ANAPC5: variants seen among roughly 807,000 people sequenced by gnomAD.
The protein encoded by ANAPC5 is anaphase promoting complex subunit 5.
In ANAPC5, 60 loss-of-function variants were observed where a neutral mutation model predicts 91.3. The observed-to-expected ratio is 0.66, with a 90% CI of 0.53 to 0.81. ANAPC5 has a LOEUF of 0.81. Among genes scored for constraint, ANAPC5 ranks in the 40% least tolerant of loss-of-function variants. The pLI is 0.00. For synonymous variants in ANAPC5, 340 were observed against 364.1 expected (o/e 0.93, Z 0.75); for missense variants, 690 against 931.5 (o/e 0.74, Z 3.37).
chr12:121,339,305 C>A (rs782270838), intron 5 of ANAPC5, among the ~76,000 whole-genome samples: 16 of 152,102 alleles, frequency 1.1e-4, no homozygotes, highest in Admixed American at 4.6e-4. Flanking sequence ...CCTGCCTCTG[C>A]CTCCCAAAGT....
At position 121,318,564 on chromosome 12, in the gene ANAPC5, T is replaced by A; in HGVS notation, c.1682A>T (p.His561Leu). 1.9e-6 allele frequency: 3 copies of A among 1,614,216 alleles called. No homozygotes were observed. The highest frequency in any genetic ancestry group is 2.2e-5 in the South Asian group (2 of 91,080). Residue 561 changes from histidine to leucine, a missense_variant, in exon 14 of 17, where the codon CAT becomes CTT. His to Leu is a moderately conservative substitution (Grantham distance 99). Around this residue, in one of 5 missense-constraint regions of ANAPC5, gnomAD observed 317 missense variants for 438.7 expected, o/e 0.72. Transcript: ENST00000261819. ...LQAQNQMSEA[H>L]KLLQKLLVHC... The stretch of plus-strand genomic sequence containing the variant: ...AACCAACAATTTTTGTAAAAGCTTA[T>A]GTGCCTCTGACATTTGGTTCTGAGC...
chr12:121,344,641 A>C (rs1304571677), intron 4 of ANAPC5, among the ~76,000 whole-genome samples: 3 of 152,056 alleles, frequency 2.0e-5, no homozygotes, highest in African/African-American at 7.2e-5. Context: ...CCTCGTGGTC[A>C]GGGAGGCCCG....
intron 5 of ANAPC5, among the ~76,000 whole-genome samples, chr12:121,341,547 AATAT>A (rs1309809925): frequency 6.6e-6 from 1 of 152,168 alleles, no homozygotes; most frequent in Non-Finnish European, 1.5e-5. Context: ...TGCAACTGGA[AATAT>A]ATATCAAAAA....
rs1217747967 is a variant in ANAPC5 at position 121,341,998 on chromosome 12, C to T, written c.657+5G>A. On this transcript the variant is annotated splice_donor_5th_base_variant and intron_variant, in intron 5 of 16. Coordinates refer to ENST00000261819, the MANE Select transcript of ANAPC5 (RefSeq NM_016237.5). The stretch of plus-strand genomic sequence containing the variant: ...AGTTCATGATAAATTACAGAATTCA[C>T]ATACCTGTTGAGAAAGAAAAAATTC... 7.5e-6 allele frequency: 12 copies of T among 1,603,454 alleles called. No individual in the cohort carries two copies. In the Admixed American group the frequency reaches 1.3e-4, roughly 18 times the overall value.
intron 11 of ANAPC5, chr12:121,321,249 C>CA (rs1277984952): frequency 2.3e-4 from 30 of 131,004 alleles, no homozygotes; most frequent in Admixed American, 6.3e-4. Context: ...AATTCCGTCT[C>CA]AAAAAAAAAA....
intron 11 of ANAPC5, 88 bp from the exon 12 acceptor site, chr12:121,320,547 G>A: frequency 1.8e-6 from 2 of 1,095,424 alleles, no homozygotes; most frequent in South Asian, 1.6e-5. Context: ...AGATTCACCT[G>A]TTCCCGTTCT....
Position 121,352,356 on chromosome 12 carries a change from AGTCTCGGGCCC to A in ANAPC5, c.-27_-17del. The A allele has an allele frequency of 1.3e-6, 2 of 1,581,336 alleles. No individual in the cohort carries two copies. The highest frequency in any genetic ancestry group is 1.8e-5 in the Admixed American group (1 of 54,990). On this transcript the variant is annotated 5_prime_UTR_variant, in exon 1 of 17. Transcript: ENST00000261819. ...CGCTGGCCATGGCGGCCCGAGACTA[AGTCTCGGGCCC>A]GCGGCGCGCTGCCGCCAGTTGTCAC... is the stretch of plus-strand genomic sequence containing the variant.
chr12:121,339,903 T>TGTC (rs1903380966), intron 5 of ANAPC5, among the ~76,000 whole-genome samples: 2 of 135,486 alleles, frequency 1.5e-5, no homozygotes, highest in Non-Finnish European at 3.1e-5. Flanking sequence ...CCAGATGGAG[T>TGTC]GTCGTTCTTG....
chr12:121,325,088 CA>C (rs1902759092), intron 11 of ANAPC5, among the ~76,000 whole-genome samples: 1 of 152,156 alleles, frequency 6.6e-6, no homozygotes, highest in African/African-American at 2.4e-5. Flanking sequence ...CACTTGAGCC[CA>C]GAAGGTTGAG....
chr12:121,330,552 G>A (rs782092193), intron 9 of ANAPC5, 31 bp downstream of exon 9: 1 of 1,586,068 alleles, frequency 6.3e-7, no homozygotes, highest in South Asian at 1.1e-5. Context: ...GACCATTTAT[G>A]GAAACAATCT....
intron 15 of ANAPC5, among the ~76,000 whole-genome samples, chr12:121,316,412 C>T (rs1343129181): frequency 6.6e-6 from 1 of 152,142 alleles, no homozygotes; most frequent in Non-Finnish European, 1.5e-5. Context: ...CATGACTCAG[C>T]AATTCCGTTC....
chr12:121,342,045 C>A lies in ANAPC5; in HGVS notation c.615G>T (p.Gly205=), dbSNP rs1903479525. Residue 205 remains glycine, a synonymous_variant, in exon 5 of 17, where the codon GGG becomes GGT. Coordinates refer to ENST00000261819, the MANE Select transcript of ANAPC5 (RefSeq NM_016237.5). The surrounding 1 kb of genome is among the most constrained non-coding windows in gnomAD (Gnocchi z 4.1). ...SVREEEVSCS[G]PLSQKQAEFF... ...ATTCTGCTTGTTTTTGGGACAGAGG[C>A]CCACTGCAAGATACCTCCTCTTCTC... 4 of 1,609,190 alleles carry A rather than the reference C, an allele frequency of 2.5e-6. No individual in the cohort carries two copies. The East Asian group carries it at 6.7e-5, about 27-fold the overall frequency.
chr12:121,324,477 G>GGGAGATGAAGATGGAATTATTA (rs1335764523), intron 11 of ANAPC5, among the ~76,000 whole-genome samples: 6 of 152,194 alleles, frequency 3.9e-5, no homozygotes, highest in Non-Finnish European at 8.8e-5. Flanking sequence ...AGAGGTGAAA[G>GGGAGATGAAGATGGAATTATTA]GGAGATGAAG....
In ANAPC5 at chr12:121,331,413, G is replaced by A. The variant is rs781904764; in HGVS notation, c.966C>T (p.Leu322=). The part of the protein sequence containing the change: ...CRFGHYQQAE[L]ALQEAIRIAQ... The stretch of plus-strand genomic sequence containing the variant: ...CAATCCTAATTGCCTCCTGCAGGGC[G>A]AGCTCTGCCTGTTGACTAATGACAG... Residue 322 remains leucine, a synonymous_variant, in exon 8 of 17, where the codon CTC becomes CTT. Transcript: ENST00000261819. 1.2e-5 allele frequency: 19 copies of A among 1,608,934 alleles called. No homozygotes were observed. The highest frequency in any genetic ancestry group is 1.6e-4 in the Middle Eastern group (1 of 6,068).
At chr12:121,322,420 A>G (rs1031898746) in intron 11 of ANAPC5, among the ~76,000 whole-genome samples, 2 of 152,062 alleles carry the variant, frequency 1.3e-5, no homozygotes, top group African/African-American at 2.4e-5. Flanking sequence ...CAGCCCCCCA[A>G]ATTGCTGGGA....
At chr12:121,312,984 C>T (rs990358449) in intron 15 of ANAPC5, among the ~76,000 whole-genome samples, 1 of 152,056 alleles carries the variant, frequency 6.6e-6, no homozygotes, top group Non-Finnish European at 1.5e-5. Context: ...GCCTACATTA[C>T]AAAAGAAAGA....
intron 1 of ANAPC5, among the ~76,000 whole-genome samples, chr12:121,350,069 T>C (rs782098688): frequency 6.6e-6 from 1 of 152,104 alleles, no homozygotes; most frequent in Admixed American, 6.6e-5. Context: ...TTTATAGTAA[T>C]AGCAGACGTG....
At chr12:121,344,492 G>A (rs1903584091) in intron 4 of ANAPC5, among the ~76,000 whole-genome samples, 1 of 151,416 alleles carries the variant, frequency 6.6e-6, no homozygotes, top group African/African-American at 2.4e-5. Context: ...GTGGAGGCAG[G>A]AGAATCACTT....
intron 7 of ANAPC5, 83 bp downstream of exon 7, chr12:121,335,450 G>C: frequency 6.8e-7 from 1 of 1,460,966 alleles, no homozygotes; most frequent in Non-Finnish European, 9.2e-7. Context: ...ATAGGCGTGA[G>C]CCACCGCACC....
Sources: gnomAD v4.1 joint callset for allele counts (sites outside exome capture counted in the v4.1 genomes callset) on GRCh38, gnomAD v4.1.1 for gene constraint, gnomAD v4.1.1 regional missense constraint, Gnocchi (gnomAD v3.1) non-coding constraint, MANE v1.5 for transcripts, NCBI Gene and HGNC (gene_info 2026-07-23, HGNC 2026-07-21) for gene names.